Variants in NET1 observed in about 807,000 individuals in gnomAD.
NET1 encodes neuroepithelial cell-transforming gene 1 protein.
A neutral mutation model predicts 61.1 loss-of-function variants in NET1; 42 were observed. That is an observed-to-expected ratio of 0.69 (90% CI 0.54 to 0.89). The LOEUF (loss-of-function observed/expected upper bound fraction) is 0.89, where lower values mean the gene tolerates loss of function less well. Among genes scored for constraint, NET1 ranks in the 40% least tolerant of loss-of-function variants. The pLI, the probability that NET1 is intolerant of heterozygous loss-of-function variation, is 0.00. For missense variants in NET1, 654 were observed against 747.3 expected, an observed-to-expected ratio of 0.88 and a Z score of 1.46; for synonymous variants, 254 against 281.8, an observed-to-expected ratio of 0.90 and a Z score of 0.99.
intron 3 of NET1, among the ~76,000 whole-genome samples, chr10:5,442,241 A>G (rs1304560050): frequency 6.6e-6 from 1 of 152,212 alleles, no homozygotes; most frequent in Non-Finnish European, 1.5e-5. Flanking sequence ...GCATTTCACA[A>G]TATCTCGTGT....
intron 2 of NET1, among the ~76,000 whole-genome samples, chr10:5,428,220 A>G (rs1377886468): frequency 1.3e-5 from 2 of 152,010 alleles, no homozygotes. Flanking sequence ...AGTTATTTTG[A>G]GATGTGGGAA....
Position 5,456,225 on chromosome 10 carries a change from G to T in NET1, c.1336G>T (p.Val446Leu). 1.2e-6 allele frequency: 2 copies of T among 1,614,126 alleles called. No homozygotes were observed. Among genetic ancestry groups the T allele is most frequent in the Middle Eastern group, 1.6e-4 (1 of 6,062 alleles). ...LVLEDLQDGD[V>L]RMGGSFRGAF... Reference sequence around the variant, plus strand: ...CCTAGAAGACCTGCAGGATGGAGATGTGAGAATGGGAGGCTCCTTTCGAGG... The same window carrying T: ...CCTAGAAGACCTGCAGGATGGAGATTTGAGAATGGGAGGCTCCTTTCGAGG... Residue 446 changes from valine to leucine, a missense_variant, in exon 11 of 12, where the codon GTG becomes TTG. Coordinates refer to ENST00000355029, the MANE Select transcript of NET1 (RefSeq NM_001047160.3). This position sits in a 1 kb window ranked among gnomAD's most constrained non-coding sequence, Gnocchi z 7.0.
chr10:5,442,979 G>T (rs1451768271), intron 3 of NET1, among the ~76,000 whole-genome samples: 2 of 151,988 alleles, frequency 1.3e-5, no homozygotes, highest in Non-Finnish European at 2.9e-5. Context: ...TTATAAAAAG[G>T]CTATAAGGCA....
intron 1 of NET1, among the ~76,000 whole-genome samples, chr10:5,413,933 T>C (rs1832041279): frequency 6.6e-6 from 1 of 152,186 alleles, no homozygotes. Flanking sequence ...AAAGTTATTA[T>C]AGTGATATAC....
chr10:5,445,862 C>T (rs755078224), intron 3 of NET1, among the ~76,000 whole-genome samples: 33 of 152,162 alleles, frequency 2.2e-4, no homozygotes, highest in Non-Finnish European at 5.9e-5. Flanking sequence ...TAGAGAAGGA[C>T]CCTGTTATAT....
chr10:5,451,847 A>G lies in NET1; in HGVS notation c.273A>G (p.Arg91=). Reference sequence around the variant, plus strand: ...TTTTATAGGAGCCAAGCAATAAAAGAGTTCGACCTCTGGCTCGTGTCACGT... The same window carrying G: ...TTTTATAGGAGCCAAGCAATAAAAGGGTTCGACCTCTGGCTCGTGTCACGT... The part of the protein sequence containing the change: ...SLDLKEPSNK[R]VRPLARVTSL... The change falls in exon 4 of 12, where the codon AGA becomes AGG. Residue 91 remains arginine (R), a synonymous_variant. Transcript: ENST00000355029. This position sits in a 1 kb window ranked among gnomAD's most constrained non-coding sequence, Gnocchi z 6.1. The G allele has an allele frequency of 6.2e-7, 1 of 1,613,756 alleles. No homozygotes were observed. The highest frequency in any genetic ancestry group is 8.5e-7 in the Non-Finnish European group (1 of 1,179,782).
At chr10:5,418,322 C>T (rs1034450426) in intron 1 of NET1, among the ~76,000 whole-genome samples, 2 of 152,030 alleles carry the variant, frequency 1.3e-5, no homozygotes, top group African/African-American at 4.8e-5. Flanking sequence ...AATTCAATCT[C>T]ATCTCTTGTT....
rs1832801740 is a variant in NET1 at position 5,456,559 on chromosome 10, T to C, written c.1385-29T>C. 3 of 1,508,522 alleles carry C rather than the reference T, an allele frequency of 2.0e-6. No individual in the cohort carries two copies. The highest frequency in any genetic ancestry group is 1.4e-5 in the African/African-American group (1 of 71,448). 93.4% of individuals were successfully genotyped at this position (1,508,522 alleles called of 1,614,324 possible). ...GAATAAACCTTTTTTTAGCCTGATT[T>C]CTTTTTTTTTTCCAATTTTTTTTTT... On this transcript the variant is annotated intron_variant, in intron 11 of 11. Transcript: ENST00000355029. This position sits in a 1 kb window ranked among gnomAD's most constrained non-coding sequence, Gnocchi z 7.0.
chr10:5,429,955 C>T (rs1040144923), intron 3 of NET1, among the ~76,000 whole-genome samples: 18 of 152,050 alleles, frequency 1.2e-4, no homozygotes, highest in African/African-American at 3.9e-4. Flanking sequence ...ACAGCAGCAG[C>T]TGCTGTTTCT....
At chr10:5,442,540 A>G (rs1022383979) in intron 3 of NET1, among the ~76,000 whole-genome samples, 6 of 152,212 alleles carry the variant, frequency 3.9e-5, no homozygotes, top group African/African-American at 1.4e-4. Context: ...GATGTTCTAT[A>G]GAAAGAAAAG....
At position 5,421,779 on chromosome 10, in the gene NET1, C is replaced by T. The variant is rs892598174; in HGVS notation, c.129-4876C>T. On this transcript the variant is annotated intron_variant, in intron 1 of 11. Transcript: ENST00000355029. The surrounding 1 kb of genome is among the most constrained non-coding windows in gnomAD (Gnocchi z 4.2). The stretch of plus-strand genomic sequence containing the variant: ...GAACATTTCATCACCCCAAATATCC[C>T]TGCTCCCACCCCAGCCCTAGGCAGC... Among the ~76,000 whole-genome samples the T allele has an allele frequency of 6.6e-6, 1 of 152,202 alleles. No homozygotes were observed. Among genetic ancestry groups the T allele is most frequent in the Admixed American group, 6.5e-5 (1 of 15,282 alleles).
chr10:5,412,650 T>C lies in NET1; in HGVS notation c.-43T>C. On this transcript the variant is annotated 5_prime_UTR_variant, in exon 1 of 12. Coordinates refer to ENST00000355029, the MANE Select transcript of NET1 (RefSeq NM_001047160.3). This position sits in a 1 kb window ranked among gnomAD's most constrained non-coding sequence, Gnocchi z 6.5. ...CGGGCATCGTGCCCGTCCCTGCCGG[T>C]CTCCCGGGCACCCGGCCACCGCCCC... 1 of 1,445,070 alleles carries C rather than the reference T, an allele frequency of 6.9e-7. No homozygotes were observed. Among genetic ancestry groups the C allele is most frequent in the East Asian group, 3.0e-5 (1 of 33,134 alleles). 89.5% of individuals were successfully genotyped at this position (1,445,070 alleles called of 1,614,324 possible). A position where few individuals can be genotyped will look rare whatever the true frequency, so the allele number is the denominator to read the frequency against.
Position 5,424,240 on chromosome 10 carries a change from A to C in NET1, c.129-2415A>C, listed in dbSNP as rs1460973764. Among the ~76,000 whole-genome samples, 1 of 152,224 alleles carries C rather than the reference A, an allele frequency of 6.6e-6. No homozygotes were observed. The highest frequency in any genetic ancestry group is 6.5e-5 in the Admixed American group (1 of 15,282). The stretch of plus-strand genomic sequence containing the variant: ...TGTAGATTTGTATTAGATTTAAAAT[A>C]ACCTGAGACATCATAATTGTTTTTT... On this transcript the variant is annotated intron_variant, in intron 1 of 11. Coordinates refer to ENST00000355029, the MANE Select transcript of NET1 (RefSeq NM_001047160.3). The surrounding 1 kb of genome is among the most constrained non-coding windows in gnomAD (Gnocchi z 6.1).
chr10:5,454,346 C>T lies in NET1; in HGVS notation c.850C>T (p.Pro284Ser). ...KALLDQKKQD[P>S]RVQDFLQRCL... Reference sequence around the variant, plus strand: ...TCTTCTTGATCAAAAGAAACAGGATCCAAGAGTCCAAGACTTCCTCCAGCG... The same window carrying T: ...TCTTCTTGATCAAAAGAAACAGGATTCAAGAGTCCAAGACTTCCTCCAGCG... Residue 284 changes from proline (P) to serine (S), a missense_variant, in exon 9 of 12, where the codon CCA becomes TCA. Coordinates refer to ENST00000355029, the MANE Select transcript of NET1 (RefSeq NM_001047160.3). This position sits in a 1 kb window ranked among gnomAD's most constrained non-coding sequence, Gnocchi z 8.1. The T allele has an allele frequency of 1.9e-6, 3 of 1,614,156 alleles. No individual in the cohort carries two copies. In the South Asian group the frequency reaches 3.3e-5, roughly 18 times the overall value.
Position 5,453,320 on chromosome 10 carries a change from T to C in NET1, c.665T>C (p.Leu222Pro). Residue 222 changes from leucine (L) to proline (P), a missense_variant, in exon 7 of 12, where the codon CTG becomes CCG. Transcript: ENST00000355029. This position sits in a 1 kb window ranked among gnomAD's most constrained non-coding sequence, Gnocchi z 4.9. ...GAACTCACACATATATTTGGTGATCTGGACTCTTACATACCTCTGCATGAA... is the reference window on the plus strand; with the variant it reads ...GAACTCACACATATATTTGGTGATCCGGACTCTTACATACCTCTGCATGAA... ...EEELTHIFGD[L>P]DSYIPLHEDL... is the part of the protein sequence containing the mutation. 1 of 1,612,240 alleles carries C rather than the reference T, an allele frequency of 6.2e-7. No homozygotes were observed.
Position 5,454,882 on chromosome 10 carries a change from C to T in NET1, c.1027-66C>T. Reference sequence around the variant, plus strand: ...TCTTCCATTCCATATGACATTTTTGCTCTGCAGGAAGCAGAATGAGTTAAT... The same window carrying T: ...TCTTCCATTCCATATGACATTTTTGTTCTGCAGGAAGCAGAATGAGTTAAT... On this transcript the variant is annotated intron_variant, in intron 9 of 11. Transcript: ENST00000355029. This position sits in a 1 kb window ranked among gnomAD's most constrained non-coding sequence, Gnocchi z 8.1. 6.8e-7 allele frequency: 1 copy of T among 1,465,822 alleles called. No homozygotes were observed. The allele number at this position is 1,465,822 out of a possible 1,614,324, so 90.8% of individuals were successfully genotyped here.
chr10:5,451,890 T>C lies in NET1; in HGVS notation c.316T>C (p.Ser106Pro). 6.2e-7 allele frequency: 1 copy of C among 1,613,938 alleles called. No homozygotes were observed. The highest frequency in any genetic ancestry group is 2.2e-5 in the East Asian group (1 of 44,868). ...ARVTSLANLI[S>P]PVRNGAVRRF... ...TGTCACGTCCTTGGCAAATTTAATC[T>C]CTCCTGTAAGAAATGGAGCTGTCAG... The change falls in exon 4 of 12, where the codon TCT becomes CCT. Residue 106 changes from serine (S) to proline (P), a missense_variant. Ser to Pro is a moderately conservative substitution (Grantham distance 74, BLOSUM62 -1). Coordinates refer to ENST00000355029, the MANE Select transcript of NET1 (RefSeq NM_001047160.3). This position sits in a 1 kb window ranked among gnomAD's most constrained non-coding sequence, Gnocchi z 6.1.
At chr10:5,445,377 TA>T in intron 3 of NET1, among the ~76,000 whole-genome samples, 1 of 152,362 alleles carries the variant, frequency 6.6e-6, no homozygotes, top group South Asian at 2.1e-4. Context: ...CTACACACCT[TA>T]GTTTTGAATT....
chr10:5,420,721 G>A lies in NET1; in HGVS notation c.129-5934G>A, dbSNP rs563479305. Among the ~76,000 whole-genome samples, 34 of 152,116 alleles carry A rather than the reference G, an allele frequency of 2.2e-4. No individual in the cohort carries two copies. Among genetic ancestry groups the A allele is most frequent in the Non-Finnish European group, 3.2e-4 (22 of 67,978 alleles). ...AGTGATCCTCCTTCCTCAGCCTCCCGAGTAACTGGGATTACAGGCAAGCGC... is the reference window on the plus strand; with the variant it reads ...AGTGATCCTCCTTCCTCAGCCTCCCAAGTAACTGGGATTACAGGCAAGCGC... On this transcript the variant is annotated intron_variant, in intron 1 of 11. Coordinates refer to ENST00000355029, the MANE Select transcript of NET1 (RefSeq NM_001047160.3). This position sits in a 1 kb window ranked among gnomAD's most constrained non-coding sequence, Gnocchi z 5.3.
Sources: allele counts gnomAD v4.1 joint callset (sites outside exome capture counted in the v4.1 genomes callset), GRCh38; gene constraint gnomAD v4.1.1; non-coding constraint Gnocchi (gnomAD v3.1); transcripts MANE v1.5; gene names NCBI Gene and HGNC (gene_info 2026-07-23, HGNC 2026-07-21).